ASAP2: variants seen among roughly 807,000 people sequenced by gnomAD.
ASAP2 encodes arf-GAP with SH3 domain, ANK repeat and PH domain-containing protein 2.
In ASAP2, 45 loss-of-function variants were observed where a neutral mutation model predicts 131.4. The observed-to-expected ratio is 0.34, with a 90% CI of 0.27 to 0.44. ASAP2 has a LOEUF of 0.44. Among genes scored for constraint, ASAP2 ranks in the 20% least tolerant of loss-of-function variants. The pLI, the probability that ASAP2 is intolerant of heterozygous loss-of-function variation, is 1.00. For missense variants in ASAP2, 1,011 were observed against 1,297.0 expected, an observed-to-expected ratio of 0.78 and a Z score of 3.39; for synonymous variants, 510 against 503.0, an observed-to-expected ratio of 1.01 and a Z score of -0.19.
chr2:9,264,640 C>T (rs1433386888), intron 1 of ASAP2, among the ~76,000 whole-genome samples: 1 of 152,114 alleles, frequency 6.6e-6, no homozygotes, highest in Non-Finnish European at 1.5e-5. Context: ...ATAGCGAAAA[C>T]TCAGTCTCCT....
At chr2:9,382,643 T>A (rs1180136151) in intron 20 of ASAP2, among the ~76,000 whole-genome samples, 2 of 152,164 alleles carry the variant, frequency 1.3e-5, no homozygotes, top group Non-Finnish European at 2.9e-5. Context: ...CCATATGGAG[T>A]ATGGATACTT....
chr2:9,390,968 A>G lies in ASAP2; in HGVS notation c.2384-94A>G, dbSNP rs1043627978. 20 of 1,581,046 alleles carry G rather than the reference A, an allele frequency of 1.3e-5. No individual in the cohort carries two copies. In the African/African-American group the frequency reaches 1.6e-4, roughly 13 times the overall value. On this transcript the variant is annotated intron_variant, in intron 22 of 27. Transcript: ENST00000281419. Reference sequence around the variant, plus strand: ...TCATACTGACCGTTTCATAAGGGGGAGGATCAATAACGCAGTGTTCTGTTT... The same window carrying G: ...TCATACTGACCGTTTCATAAGGGGGGGGATCAATAACGCAGTGTTCTGTTT...
chr2:9,240,492 T>C (rs1285838856), intron 1 of ASAP2, among the ~76,000 whole-genome samples: 2 of 152,066 alleles, frequency 1.3e-5, no homozygotes, highest in East Asian at 3.9e-4. Context: ...GCGATTCACC[T>C]GCCTTGGCCT....
intron 1 of ASAP2, among the ~76,000 whole-genome samples, chr2:9,227,217 A>T (rs577753515): frequency 1.3e-5 from 2 of 152,104 alleles, no homozygotes; most frequent in African/African-American, 4.8e-5. Context: ...TTTTCAGGGC[A>T]CTTGGCCTCT....
chr2:9,382,276 A>G (rs558193862), intron 20 of ASAP2, among the ~76,000 whole-genome samples: 181 of 152,160 alleles, frequency 1.2e-3, no homozygotes, highest in African/African-American at 4.2e-3. Flanking sequence ...GAGCCACCAC[A>G]CCTGACCTGT....
At chr2:9,387,073 G>GT (rs1474623756) in intron 21 of ASAP2, among the ~76,000 whole-genome samples, 27 of 136,936 alleles carry the variant, frequency 2.0e-4, no homozygotes, top group African/African-American at 6.0e-4. Context: ...GGGCTTGGTG[G>GT]TGGGTGGGGG....
intron 12 of ASAP2, 142 bp downstream of exon 12, chr2:9,351,037 G>T: frequency 1.6e-6 from 1 of 606,242 alleles, no homozygotes; most frequent in East Asian, 3.0e-5. Context: ...TGCGTGCTTT[G>T]TGTTCCATTA....
rs186438586 is a variant in ASAP2 at position 9,243,403 on chromosome 2, C to T, written c.127-35914C>T. ...GATTACAGGCATGAGCCACCGTGCC[C>T]GGCCTAAAGATTTTTTTTATAATGT... On this transcript the variant is annotated intron_variant, in intron 1 of 27. Transcript: ENST00000281419. Among the ~76,000 whole-genome samples, 10 of 152,288 alleles carry T rather than the reference C, an allele frequency of 6.6e-5. No homozygotes were observed. The East Asian group carries it at 1.3e-3, about 21-fold the overall frequency.
chr2:9,345,157 C>G (rs571851580), intron 11 of ASAP2, among the ~76,000 whole-genome samples: 1 of 152,164 alleles, frequency 6.6e-6, no homozygotes, highest in African/African-American at 2.4e-5. Flanking sequence ...GCAAACTGCT[C>G]CCCCAGCTCT....
intron 15 of ASAP2, among the ~76,000 whole-genome samples, chr2:9,363,579 T>C (rs1192854591): frequency 6.6e-6 from 1 of 152,200 alleles, no homozygotes; most frequent in African/African-American, 2.4e-5. Flanking sequence ...TGGTCATTTG[T>C]AGGTCTTCTC....
At chr2:9,384,825 C>G (rs1045008392) in intron 20 of ASAP2, among the ~76,000 whole-genome samples, 1 of 152,220 alleles carries the variant, frequency 6.6e-6, no homozygotes, top group African/African-American at 2.4e-5. Flanking sequence ...AGCATCTCTT[C>G]CCCCAGGGTA....
intron 3 of ASAP2, among the ~76,000 whole-genome samples, chr2:9,298,401 G>C (rs1383440940): frequency 1.3e-5 from 2 of 152,206 alleles, no homozygotes; most frequent in African/African-American, 4.8e-5. Flanking sequence ...GGAGCACTCG[G>C]GCCCTTGCTC....
At chr2:9,357,632 C>G (rs996163688) in intron 14 of ASAP2, among the ~76,000 whole-genome samples, 2 of 152,074 alleles carry the variant, frequency 1.3e-5, no homozygotes, top group Non-Finnish European at 2.9e-5. Flanking sequence ...AAGGTATGTA[C>G]TCATTATTTT....
In ASAP2 at chr2:9,270,853, C is replaced by T. The variant is rs1418074973; in HGVS notation, c.127-8464C>T. 1.9e-4 allele frequency among the ~76,000 whole-genome samples: 26 copies of T among 135,438 alleles called. No individual in the cohort carries two copies. In the South Asian group the frequency reaches 2.1e-3, roughly 11 times the overall value. 88.9% of individuals were successfully genotyped at this position (135,438 alleles called of 152,430 possible). ...CGTCGCCCAGGCTGGAGTGCAGTGG[C>T]GCGATCTCGGCTCACTGCAAGCCCC... On this transcript the variant is annotated intron_variant, in intron 1 of 27. Transcript: ENST00000281419.
At chr2:9,353,130 G>A (rs1672457205) in intron 12 of ASAP2, among the ~76,000 whole-genome samples, 1 of 152,200 alleles carries the variant, frequency 6.6e-6, no homozygotes, top group East Asian at 1.9e-4. Context: ...TCCTGAGAAG[G>A]TGAGGGACAT....
At chr2:9,253,145 A>G (rs968683107) in intron 1 of ASAP2, among the ~76,000 whole-genome samples, 9 of 152,256 alleles carry the variant, frequency 5.9e-5, no homozygotes, top group Admixed American at 1.3e-4. Context: ...TCTGCAAACA[A>G]TAAAATTCAC....
intron 12 of ASAP2, among the ~76,000 whole-genome samples, chr2:9,355,235 C>T (rs1457954899): frequency 6.6e-6 from 1 of 152,160 alleles, no homozygotes; most frequent in Non-Finnish European, 1.5e-5. Context: ...ATCCAGAACC[C>T]CATGTTACAT....
intron 2 of ASAP2, 27 bp from the exon 3 acceptor site, chr2:9,297,273 C>T (rs1358381460): frequency 1.4e-5 from 22 of 1,608,424 alleles, no homozygotes; most frequent in Non-Finnish European, 1.8e-5. Flanking sequence ...GCCTGAGACT[C>T]ACAGCACCTC....
chr2:9,375,293 G>A (rs999828615), intron 17 of ASAP2, among the ~76,000 whole-genome samples: 1 of 151,962 alleles, frequency 6.6e-6, no homozygotes, highest in Non-Finnish European at 1.5e-5. Flanking sequence ...AAAAAAAAAG[G>A]AAAACTGGGG....
Sources: allele counts gnomAD v4.1 joint callset (sites outside exome capture counted in the v4.1 genomes callset), GRCh38; gene constraint gnomAD v4.1.1; transcripts MANE v1.5; gene names NCBI Gene and HGNC (gene_info 2026-07-23, HGNC 2026-07-21).